LRFN5: variants seen among roughly 807,000 people sequenced by gnomAD.
The protein encoded by LRFN5 is leucine-rich repeat and fibronectin type-III domain-containing protein 5.
A neutral mutation model predicts 45.6 loss-of-function variants in LRFN5; 24 were observed. That is an observed-to-expected ratio of 0.53 (90% CI 0.38 to 0.74). The LOEUF (loss-of-function observed/expected upper bound fraction) is 0.74. LRFN5 is among the 30% of genes least tolerant of loss of function. The probability of loss-of-function intolerance (pLI) is 0.00; values close to 1 mark genes in which losing one functional copy is unlikely to be tolerated. For missense variants in LRFN5, 776 were observed against 861.5 expected (o/e 0.90, Z 1.24); for synonymous variants, 340 against 313.8 (o/e 1.08, Z -0.88).
intron 2 of LRFN5, among the ~76,000 whole-genome samples, chr14:41,768,657 A>G (rs1383187974): frequency 2.0e-5 from 3 of 152,132 alleles, no homozygotes; most frequent in Non-Finnish European, 4.4e-5. Flanking sequence ...GTGTTTCTTT[A>G]TGGCAACCCC....
At chr14:41,727,146 G>A (rs1162505365) in intron 1 of LRFN5, among the ~76,000 whole-genome samples, 1 of 152,018 alleles carries the variant, frequency 6.6e-6, no homozygotes, top group South Asian at 2.1e-4. Context: ...TTTATTTGAG[G>A]GTAATGACTT....
rs531087739 is a variant in LRFN5 at position 41,834,604 on chromosome 14, T to G, written c.-20-52002T>G. 1.2e-4 allele frequency among the ~76,000 whole-genome samples: 18 copies of G among 152,338 alleles called. No individual in the cohort carries two copies. In the East Asian group the frequency reaches 2.1e-3, roughly 18 times the overall value. On this transcript the variant is annotated intron_variant, in intron 2 of 5. Coordinates refer to ENST00000298119, the MANE Select transcript of LRFN5 (RefSeq NM_152447.5). ...TTCATCTAATTACTTGATAATCATG[T>G]TAAATATTATAAAGGGACTAATATT...
intron 2 of LRFN5, among the ~76,000 whole-genome samples, chr14:41,863,975 T>A (rs1404204547): frequency 6.6e-6 from 1 of 152,128 alleles, no homozygotes; most frequent in Non-Finnish European, 1.5e-5. Flanking sequence ...AGAATGATGG[T>A]TTCCAGCTTC....
Position 41,650,896 on chromosome 14 carries a change from A to AGAGAGAGAGAGG in LRFN5, c.-197+42337_-197+42338insAGAGAGAGGGAG, listed in dbSNP as rs750337266. 8.7e-5 allele frequency among the ~76,000 whole-genome samples: 7 copies of AGAGAGAGAGAGG among 80,910 alleles called. No homozygotes were observed. The East Asian group carries it at 1.0e-3, about 12-fold the overall frequency. 53.1% of individuals were successfully genotyped at this position (80,910 alleles called of 152,430 possible). On this transcript the variant is annotated intron_variant, in intron 1 of 5. Transcript: ENST00000298119. ...CAAAGAGACAGAGAAAGAGAGAGAGAGAGGGAGGGAGGGAGGGAGGGAGGG... is the reference window on the plus strand; with the variant it reads ...CAAAGAGACAGAGAAAGAGAGAGAGAGAGAGAGAGAGGGAGGGAGGGAGGGAGGGAGGGAGGG...
intron 1 of LRFN5, among the ~76,000 whole-genome samples, chr14:41,661,241 AT>A (rs1880639579): frequency 6.6e-6 from 1 of 151,840 alleles, no homozygotes; most frequent in South Asian, 2.1e-4. Flanking sequence ...AATCACTGGT[AT>A]TGTCACTAGT....
At chr14:41,633,894 A>G (rs1216432187) in intron 1 of LRFN5, among the ~76,000 whole-genome samples, 2 of 152,144 alleles carry the variant, frequency 1.3e-5, no homozygotes, top group Non-Finnish European at 2.9e-5. Context: ...TAGCAATCCA[A>G]ATAAAAGACT....
intron 1 of LRFN5, among the ~76,000 whole-genome samples, chr14:41,663,738 C>T (rs1880766331): frequency 1.3e-5 from 2 of 151,940 alleles, no homozygotes; most frequent in South Asian, 2.1e-4. Context: ...TATTCTTCTG[C>T]ACTCTGCAAC....
chr14:41,637,584 A>G (rs1317155383), intron 1 of LRFN5, among the ~76,000 whole-genome samples: 1 of 152,096 alleles, frequency 6.6e-6, no homozygotes, highest in East Asian at 1.9e-4. Flanking sequence ...CTATTCACTC[A>G]TGTTTGAGGT....
chr14:41,629,586 C>T (rs367634508), intron 1 of LRFN5, among the ~76,000 whole-genome samples: 1 of 152,166 alleles, frequency 6.6e-6, no homozygotes, highest in Non-Finnish European at 1.5e-5. Context: ...TTGTAGTTCT[C>T]TAAACGCAGT....
chr14:41,727,307 G>A (rs1178572244), intron 1 of LRFN5, among the ~76,000 whole-genome samples: 3 of 152,112 alleles, frequency 2.0e-5, no homozygotes, highest in Non-Finnish European at 4.4e-5. Context: ...AGCAATGGAG[G>A]TAAAACAGCC....
chr14:41,662,589 C>G (rs1267831902), intron 1 of LRFN5, among the ~76,000 whole-genome samples: 1 of 151,884 alleles, frequency 6.6e-6, no homozygotes, highest in Non-Finnish European at 1.5e-5. Flanking sequence ...ATGGCTGGGT[C>G]CACAGCCAAG....
intron 1 of LRFN5, among the ~76,000 whole-genome samples, chr14:41,719,023 C>G (rs934072109): frequency 6.6e-6 from 1 of 152,172 alleles, no homozygotes; most frequent in African/African-American, 2.4e-5. Context: ...GCTGAACACT[C>G]TGGATTACAG....
chr14:41,828,281 CGT>C (rs1355997806), intron 2 of LRFN5, among the ~76,000 whole-genome samples: 2 of 151,814 alleles, frequency 1.3e-5, no homozygotes, highest in Non-Finnish European at 2.9e-5. Flanking sequence ...AACCTAATAA[CGT>C]GTGTTTTCTC....
chr14:41,841,707 T>C (rs1183756376), intron 2 of LRFN5, among the ~76,000 whole-genome samples: 1 of 152,034 alleles, frequency 6.6e-6, no homozygotes, highest in Non-Finnish European at 1.5e-5. Flanking sequence ...TGTACACTCA[T>C]TTTTTATGAG....
chr14:41,833,391 C>T (rs1888551449), intron 2 of LRFN5, among the ~76,000 whole-genome samples: 1 of 152,158 alleles, frequency 6.6e-6, no homozygotes, highest in African/African-American at 2.4e-5. Flanking sequence ...CATCCGCCTT[C>T]TATAGAATCT....
intron 2 of LRFN5, among the ~76,000 whole-genome samples, chr14:41,840,978 C>A (rs1888838839): frequency 6.6e-6 from 1 of 151,432 alleles, no homozygotes; most frequent in Non-Finnish European, 1.5e-5. Context: ...TTTTAGTAGT[C>A]AGTATTTGAA....
At chr14:41,789,581 C>G (rs1886845685) in intron 2 of LRFN5, among the ~76,000 whole-genome samples, 1 of 151,940 alleles carries the variant, frequency 6.6e-6, no homozygotes, top group Admixed American at 6.6e-5. Flanking sequence ...AAAGGCTACT[C>G]TACCTGGAAA....
At position 41,886,721 on chromosome 14, in the gene LRFN5, T is replaced by C. The variant is rs765428816; in HGVS notation, c.96T>C (p.Asn32=). 6 of 1,614,204 alleles carry C rather than the reference T, an allele frequency of 3.7e-6. No individual in the cohort carries two copies. The highest frequency in any genetic ancestry group is 4.2e-6 in the Non-Finnish European group (5 of 1,180,032). The change falls in exon 3 of 6, where the codon AAT becomes AAC. Residue 32 remains asparagine, a synonymous_variant. Transcript: ENST00000298119. ...KRCVCQILSP[N]LATLCAKKGL... ...GTGTCTGTCAGATTTTGTCTCCTAA[T>C]CTTGCAACCCTTTGTGCCAAGAAAG...
At chr14:41,696,097 G>T (rs1422868601) in intron 1 of LRFN5, among the ~76,000 whole-genome samples, 1 of 151,948 alleles carries the variant, frequency 6.6e-6, no homozygotes, top group Non-Finnish European at 1.5e-5. Context: ...AGGGGTTCAA[G>T]ACTTCAGTGG....
Sources: gnomAD v4.1 joint callset for allele counts (sites outside exome capture counted in the v4.1 genomes callset) on GRCh38, gnomAD v4.1.1 for gene constraint, MANE v1.5 for transcripts, NCBI Gene and HGNC (gene_info 2026-07-23, HGNC 2026-07-21) for gene names.